Variants in RORB observed in about 807,000 individuals in gnomAD.
The protein encoded by RORB is RAR related orphan receptor B.
A neutral mutation model predicts 59.1 loss-of-function variants in RORB; 6 were observed. That is an observed-to-expected ratio of 0.10 (90% CI 0.06 to 0.20). The LOEUF (loss-of-function observed/expected upper bound fraction) is 0.20, where lower values mean the gene tolerates loss of function less well. Among genes scored for constraint, RORB ranks in the 10% least tolerant of loss-of-function variants. The pLI, the probability that RORB is intolerant of heterozygous loss-of-function variation, is 1.00. For synonymous variants in RORB, 215 were observed against 204.5 expected, an observed-to-expected ratio of 1.05 and a Z score of -0.44; for missense variants, 320 against 560.5, an observed-to-expected ratio of 0.57 and a Z score of 4.33.
intron 1 of RORB, among the ~76,000 whole-genome samples, chr9:74,578,006 A>G (rs992794836): frequency 1.3e-5 from 2 of 152,120 alleles, no homozygotes; most frequent in African/African-American, 4.8e-5. Flanking sequence ...TGGATAAAGT[A>G]TTAATCCCTA....
intron 6 of RORB, among the ~76,000 whole-genome samples, chr9:74,663,479 TC>T (rs1824222123): frequency 6.6e-6 from 1 of 152,212 alleles, no homozygotes; most frequent in Non-Finnish European, 1.5e-5. Flanking sequence ...TAACTGTTAT[TC>T]TAAGATCCCT....
In RORB at chr9:74,685,794, GCT is replaced by G. The variant is rs1316577907; in HGVS notation, c.*179_*180del. On this transcript the variant is annotated 3_prime_UTR_variant, in exon 10 of 10. Coordinates refer to ENST00000376896, the MANE Select transcript of RORB (RefSeq NM_006914.4). ...GAATGTAAATATGCACCTGAGTGGGGCTCTTTTATTTGTTTGTTTGTTTTTGA... is the reference window on the plus strand; with the variant it reads ...GAATGTAAATATGCACCTGAGTGGGGCTTTTATTTGTTTGTTTGTTTTTGA... 2 of 414,680 alleles carry G rather than the reference GCT, an allele frequency of 4.8e-6. No homozygotes were observed. The highest frequency in any genetic ancestry group is 4.1e-5 in the African/African-American group (2 of 48,958). 25.7% of individuals were successfully genotyped at this position (414,680 alleles called of 1,614,324 possible).
chr9:74,568,292 A>G (rs1280709903), intron 1 of RORB, among the ~76,000 whole-genome samples: 1 of 152,164 alleles, frequency 6.6e-6, no homozygotes, highest in African/African-American at 2.4e-5. Flanking sequence ...AACTCAAAAA[A>G]ATTATTGTGA....
chr9:74,630,249 T>C (rs773903114), intron 1 of RORB, 33 bp from the exon 2 acceptor site: 33 of 1,608,966 alleles, frequency 2.1e-5, no homozygotes, highest in Non-Finnish European at 2.6e-5. Flanking sequence ...AGAAAACATC[T>C]GTATGCTCAA....
chr9:74,498,233 G>T, intron 1 of RORB: 1 of 583,470 alleles, frequency 1.7e-6, no homozygotes, highest in Non-Finnish European at 3.1e-6. Context: ...CAGGCTAGTT[G>T]GTTCTTACCA....
intron 1 of RORB, among the ~76,000 whole-genome samples, chr9:74,584,998 G>A (rs899268058): frequency 5.9e-5 from 9 of 152,186 alleles, no homozygotes; most frequent in African/African-American, 2.2e-4. Flanking sequence ...CAGGTGGACT[G>A]GGTCCCCATC....
chr9:74,655,134 A>G (rs1824059456), intron 4 of RORB, among the ~76,000 whole-genome samples: 1 of 152,220 alleles, frequency 6.6e-6, no homozygotes, highest in Admixed American at 6.5e-5. Context: ...ACTCTTAGTA[A>G]ATTGAACAAA....
intron 1 of RORB, among the ~76,000 whole-genome samples, chr9:74,532,803 CGT>C (rs1491539664): frequency 1.2e-4 from 17 of 140,220 alleles, no homozygotes; most frequent in African/African-American, 3.0e-4. Flanking sequence ...TACATAGATA[CGT>C]ATATATATAC....
chr9:74,602,873 A>G (rs1323575565), intron 1 of RORB, among the ~76,000 whole-genome samples: 1 of 152,232 alleles, frequency 6.6e-6, no homozygotes, highest in African/African-American at 2.4e-5. Flanking sequence ...TATTGCTGTT[A>G]TAATTACCAT....
Position 74,567,032 on chromosome 9 carries a change from CT to C in RORB, c.8-63239del, listed in dbSNP as rs796676385. On this transcript the variant is annotated intron_variant, in intron 1 of 9. Transcript: ENST00000376896. ...TGGGGCAACAAATGCCCACCCCACCCTTTTTTTTTTTCTGAGACAGAGGCTC... is the reference window on the plus strand; with the variant it reads ...TGGGGCAACAAATGCCCACCCCACCCTTTTTTTTTTCTGAGACAGAGGCTC... Among the ~76,000 whole-genome samples, 1,346 of 146,840 alleles carry C rather than the reference CT, an allele frequency of 9.2e-3. 47 individuals are homozygous for C. Among genetic ancestry groups the C allele is most frequent in the Admixed American group, 0.076 (1,112 of 14,728 alleles).
chr9:74,645,313 T>A (rs73650029), intron 4 of RORB, among the ~76,000 whole-genome samples: 9,162 of 152,228 alleles, frequency 0.06, 599 homozygotes, highest in African/African-American at 0.17. Flanking sequence ...GTCCAAAACA[T>A]TGACACTCAT....
chr9:74,587,504 CAT>C (rs935063667), intron 1 of RORB, among the ~76,000 whole-genome samples: 1 of 152,140 alleles, frequency 6.6e-6, no homozygotes, highest in South Asian at 2.1e-4. Flanking sequence ...TAAAAACAAA[CAT>C]GTATTATTAA....
chr9:74,590,647 C>T (rs955373182), intron 1 of RORB, among the ~76,000 whole-genome samples: 5 of 152,156 alleles, frequency 3.3e-5, no homozygotes, highest in African/African-American at 1.2e-4. Flanking sequence ...TCTGGTCCAG[C>T]CAGCTAGGGG....
intron 9 of RORB, 85 bp from the exon 10 acceptor site, chr9:74,685,378 T>G: frequency 8.9e-7 from 1 of 1,121,328 alleles, no homozygotes. Context: ...TACCTTCATC[T>G]GGGGCCAGAA....
At chr9:74,555,834 C>T (rs772502550) in intron 1 of RORB, among the ~76,000 whole-genome samples, 4 of 152,138 alleles carry the variant, frequency 2.6e-5, no homozygotes, top group African/African-American at 7.2e-5. Flanking sequence ...ATGATGTCAG[C>T]GTGGGAAAAT....
intron 1 of RORB, among the ~76,000 whole-genome samples, chr9:74,611,803 C>T (rs1335930655): frequency 1.3e-5 from 2 of 152,156 alleles, no homozygotes; most frequent in African/African-American, 4.8e-5. Context: ...ACCCACCACC[C>T]TGCCTGGCTA....
chr9:74,542,091 C>T (rs1456957731), intron 1 of RORB, among the ~76,000 whole-genome samples: 2 of 151,982 alleles, frequency 1.3e-5, no homozygotes, highest in Non-Finnish European at 2.9e-5. Flanking sequence ...AAAAATGAAA[C>T]TTCAATCCAG....
chr9:74,671,929 C>T lies in RORB; in HGVS notation c.1224+28C>T, dbSNP rs755348783. Reference sequence around the variant, plus strand: ...AGGTCCACAGATCACAGAGCCACCACCACCAAAAGAGAGCACAGTGAGCAA... The same window carrying T: ...AGGTCCACAGATCACAGAGCCACCATCACCAAAAGAGAGCACAGTGAGCAA... On this transcript the variant is annotated intron_variant, in intron 9 of 9. Coordinates refer to ENST00000376896, the MANE Select transcript of RORB (RefSeq NM_006914.4). 5 of 1,314,140 alleles carry T rather than the reference C, an allele frequency of 3.8e-6. No homozygotes were observed. The Admixed American group carries it at 9.3e-5, about 25-fold the overall frequency. 81.4% of individuals were successfully genotyped at this position (1,314,140 alleles called of 1,614,324 possible). A position where few individuals can be genotyped will look rare whatever the true frequency, so the allele number is the denominator to read the frequency against.
intron 1 of RORB, among the ~76,000 whole-genome samples, chr9:74,562,978 TTAAAA>T (rs1192551066): frequency 6.6e-6 from 1 of 152,170 alleles, no homozygotes; most frequent in African/African-American, 2.4e-5. Flanking sequence ...TGTGCATTTC[TTAAAA>T]TAAAAACATT....
Sources: gnomAD v4.1 joint callset for allele counts (sites outside exome capture counted in the v4.1 genomes callset) on GRCh38, gnomAD v4.1.1 for gene constraint, MANE v1.5 for transcripts, NCBI Gene and HGNC (gene_info 2026-07-23, HGNC 2026-07-21) for gene names.